Variants in GPHN observed in about 807,000 individuals in gnomAD.
GPHN encodes the protein gephyrin.
In GPHN, 17 loss-of-function variants were observed where a neutral mutation model predicts 95.5. The observed-to-expected ratio is 0.18, with a 90% confidence interval of 0.12 to 0.27. The LOEUF (loss-of-function observed/expected upper bound fraction) is 0.27, where lower values mean the gene tolerates loss of function less well. GPHN is among the 10% of genes least tolerant of loss of function. The pLI, the probability that GPHN is intolerant of heterozygous loss-of-function variation, is 1.00. For synonymous variants in GPHN, 320 were observed against 322.5 expected, an observed-to-expected ratio of 0.99 and a Z score of 0.08; for missense variants, 660 against 978.1, an observed-to-expected ratio of 0.67 and a Z score of 4.34.
chr14:67,063,921 A>C (rs1365750571), intron 11 of GPHN, among the ~76,000 whole-genome samples: 1 of 152,056 alleles, frequency 6.6e-6, no homozygotes, highest in East Asian at 1.9e-4. Context: ...AATACCTTTT[A>C]TTTCTTTCTT....
the GPHN span, among the ~76,000 whole-genome samples, chr14:67,278,688 T>A: frequency 1.3e-5 from 2 of 152,336 alleles, no homozygotes; most frequent in South Asian, 4.1e-4. Flanking sequence ...ACCTTTTATG[T>A]TTGAAGCAAG....
the GPHN span, among the ~76,000 whole-genome samples, chr14:67,257,669 G>A: frequency 2.0e-5 from 3 of 151,900 alleles, no homozygotes; most frequent in Admixed American, 6.6e-5. Context: ...ATATATGTAT[G>A]TATATATAAC....
chr14:67,311,310 C>CA, the GPHN span, among the ~76,000 whole-genome samples: 16,472 of 62,400 alleles, frequency 0.26, 2,377 homozygotes, highest in East Asian at 0.54. Context: ...GACTCCGTCT[C>CA]AAAAAAAAAA....
chr14:66,683,329 AATATATATAT>A (rs59011754), intron 2 of GPHN, among the ~76,000 whole-genome samples: 11 of 7,912 alleles, frequency 1.4e-3, no homozygotes, highest in African/African-American at 2.6e-3. Flanking sequence ...CCAATGTGGA[AATATATATAT>A]ATATATATAT....
chr14:67,704,869 A>C, the GPHN span, among the ~76,000 whole-genome samples: 1 of 152,220 alleles, frequency 6.6e-6, no homozygotes, highest in African/African-American at 2.4e-5. Context: ...CAACCAAGAC[A>C]GGAACTTCAT....
the GPHN span, among the ~76,000 whole-genome samples, chr14:67,227,167 C>T: frequency 2.6e-5 from 4 of 152,002 alleles, no homozygotes; most frequent in African/African-American, 9.7e-5. Flanking sequence ...CCCAGCTGGG[C>T]GTGGTGGCTC....
At chr14:66,667,618 A>G (rs1378883561) in intron 1 of GPHN, among the ~76,000 whole-genome samples, 2 of 152,192 alleles carry the variant, frequency 1.3e-5, no homozygotes, top group South Asian at 2.1e-4. Context: ...AATTGAAACT[A>G]GACCCTTCCT....
At chr14:67,576,361 C>A in the GPHN span, 1 of 1,235,862 alleles carries the variant, frequency 8.1e-7, no homozygotes, top group Non-Finnish European at 1.2e-6. The surrounding 1 kb of genome is among the most constrained non-coding windows in gnomAD (Gnocchi z 4.0). Context: ...CTTCCCACCC[C>A]GTCCCCATCC....
At chr14:67,574,486 T>A in the GPHN span, 1 of 1,159,828 alleles carries the variant, frequency 8.6e-7, no homozygotes, top group Non-Finnish European at 1.2e-6. The surrounding 1 kb of genome is among the most constrained non-coding windows in gnomAD (Gnocchi z 4.2). Context: ...GGGTGGTGGG[T>A]TCCCCCTTAT....
intron 2 of GPHN, among the ~76,000 whole-genome samples, chr14:66,684,659 A>C (rs2067219815): frequency 6.6e-6 from 1 of 152,326 alleles, no homozygotes; most frequent in South Asian, 2.1e-4. Context: ...CTATTGTGTG[A>C]ACATGGCAGA....
At chr14:66,678,987 G>A (rs1463727453) in intron 1 of GPHN, among the ~76,000 whole-genome samples, 1 of 152,230 alleles carries the variant, frequency 6.6e-6, no homozygotes, top group Non-Finnish European at 1.5e-5. Flanking sequence ...AGTGTTAGCA[G>A]TGGGTTGTTC....
intron 1 of GPHN, among the ~76,000 whole-genome samples, chr14:66,606,374 G>A (rs374215448): frequency 9.2e-5 from 14 of 151,894 alleles, no homozygotes; most frequent in East Asian, 5.8e-4. Flanking sequence ...TACCAGTCCC[G>A]TGCTATTTTG....
intron 21 of GPHN, among the ~76,000 whole-genome samples, chr14:67,178,250 A>C (rs1436979913): frequency 6.6e-6 from 1 of 152,220 alleles, no homozygotes; most frequent in Admixed American, 6.5e-5. Context: ...CTTGTAAGGC[A>C]GGCCTGGTGA....
chr14:67,505,945 C>T, the GPHN span, among the ~76,000 whole-genome samples: 44 of 152,278 alleles, frequency 2.9e-4, no homozygotes, highest in Non-Finnish European at 4.7e-4. Flanking sequence ...GGGTATCCGT[C>T]CATCTCAGCC....
intron 1 of GPHN, among the ~76,000 whole-genome samples, chr14:66,536,608 G>A (rs556734313): frequency 1.9e-4 from 29 of 152,152 alleles, no homozygotes; most frequent in African/African-American, 7.0e-4. Flanking sequence ...TTATTTCAAA[G>A]TGTTTGTGAT....
the GPHN span, among the ~76,000 whole-genome samples, chr14:67,214,839 C>T: frequency 6.6e-6 from 1 of 152,200 alleles, no homozygotes; most frequent in East Asian, 1.9e-4. Flanking sequence ...TCTTTGATTT[C>T]ATTGAGCAGT....
the GPHN span, among the ~76,000 whole-genome samples, chr14:67,292,273 T>C: frequency 6.6e-6 from 1 of 152,190 alleles, no homozygotes; most frequent in Non-Finnish European, 1.5e-5. Context: ...ATATTGAATG[T>C]GTATTAGTTT....
the GPHN span, among the ~76,000 whole-genome samples, chr14:67,404,882 GGATA>G: frequency 1.3e-5 from 2 of 151,702 alleles, no homozygotes; most frequent in African/African-American, 4.8e-5. Flanking sequence ...ATTTCTGGAG[GGATA>G]CCCCAGAAAT....
chr14:67,316,028 C>T, the GPHN span, among the ~76,000 whole-genome samples: 1 of 152,128 alleles, frequency 6.6e-6, no homozygotes, highest in African/African-American at 2.4e-5. Flanking sequence ...ACAGATTATC[C>T]CCACCTATGT....
Sources: allele counts gnomAD v4.1 joint callset (sites outside exome capture counted in the v4.1 genomes callset), GRCh38; gene constraint gnomAD v4.1.1; non-coding constraint Gnocchi (gnomAD v3.1); transcripts MANE v1.5; gene names NCBI Gene and HGNC (gene_info 2026-07-23, HGNC 2026-07-21).